Variants in SMIM14 observed in about 807,000 individuals in gnomAD.
The protein encoded by SMIM14 is chromosome 4 open reading frame 34.
In SMIM14, 5 loss-of-function variants were observed where a neutral mutation model predicts 12.6. The observed-to-expected ratio is 0.40, with a 90% confidence interval of 0.21 to 0.83. SMIM14 has a LOEUF of 0.83. Ranked by LOEUF, SMIM14 falls within the 40% of genes least tolerant of loss-of-function variation. SMIM14 has a pLI of 0.37. For synonymous variants in SMIM14, 30 were observed against 40.1 expected (o/e 0.75, Z 0.95); for missense variants, 86 against 119.1 (o/e 0.72, Z 1.29).
chr4:39,568,015 C>T (rs959689160), intron 3 of SMIM14, among the ~76,000 whole-genome samples: 3 of 152,246 alleles, frequency 2.0e-5, no homozygotes, highest in Middle Eastern at 3.4e-3. Context: ...CGGTAGCTCA[C>T]GCCTGTAATC....
chr4:39,578,243 G>A (rs1426778824), intron 2 of SMIM14, among the ~76,000 whole-genome samples: 2 of 152,232 alleles, frequency 1.3e-5, no homozygotes, highest in South Asian at 2.1e-4. Context: ...CACTTCCCAG[G>A]CTCAAGCAAT....
intron 1 of SMIM14, 33 bp from the exon 2 acceptor site, chr4:39,605,213 C>T (rs781199169): frequency 3.1e-5 from 38 of 1,240,514 alleles, no homozygotes; most frequent in Admixed American, 2.0e-4. Flanking sequence ...GTTAAGTCTA[C>T]AATTCAGAAT....
chr4:39,579,843 C>CAAAAAAAAAA (rs528601041), intron 2 of SMIM14, among the ~76,000 whole-genome samples: 1 of 123,930 alleles, frequency 8.1e-6, no homozygotes, highest in Non-Finnish European at 1.6e-5. Context: ...GACTCCGTCT[C>CAAAAAAAAAA]AAAAAAAAAA....
intron 3 of SMIM14, among the ~76,000 whole-genome samples, chr4:39,559,790 A>G (rs1712203453): frequency 6.6e-6 from 1 of 152,126 alleles, no homozygotes; most frequent in African/African-American, 2.4e-5. Flanking sequence ...ATAGGAATGT[A>G]GCCTCTGTTC....
intron 2 of SMIM14, among the ~76,000 whole-genome samples, chr4:39,596,660 T>G (rs2110047120): frequency 6.6e-6 from 1 of 152,328 alleles, no homozygotes; most frequent in Admixed American, 6.5e-5. Flanking sequence ...CCTTTGAACC[T>G]TTTTTACTAT....
intron 1 of SMIM14, among the ~76,000 whole-genome samples, chr4:39,631,578 G>C (rs1715900837): frequency 6.6e-6 from 1 of 151,668 alleles, no homozygotes; most frequent in Non-Finnish European, 1.5e-5. Flanking sequence ...AGAATGGCAT[G>C]AACCCGGGAA....
intron 1 of SMIM14, among the ~76,000 whole-genome samples, chr4:39,616,640 T>TA (rs1294298813): frequency 6.0e-4 from 59 of 98,010 alleles, no homozygotes; most frequent in African/African-American, 1.5e-3. Context: ...TTCCTTACAT[T>TA]TAAAAAAAAA....
intron 2 of SMIM14, among the ~76,000 whole-genome samples, chr4:39,581,829 C>T (rs532880961): frequency 6.6e-6 from 1 of 151,450 alleles, no homozygotes; most frequent in South Asian, 2.1e-4. Context: ...TTCCAAAGTG[C>T]TGGGATTACA....
intron 2 of SMIM14, among the ~76,000 whole-genome samples, chr4:39,591,884 A>C (rs1216171682): frequency 1.3e-5 from 2 of 152,152 alleles, no homozygotes; most frequent in East Asian, 3.9e-4. Flanking sequence ...TGTACTTTAA[A>C]ATAACCCTAT....
In SMIM14 at chr4:39,552,115, A is replaced by G; in HGVS notation, c.*11T>C. 6.3e-7 allele frequency: 1 copy of G among 1,592,448 alleles called. No homozygotes were observed. The highest frequency in any genetic ancestry group is 8.6e-7 in the Non-Finnish European group (1 of 1,169,142). ...AAGGTGTTAACTATTTTCACTTCCC[A>G]TATCACAAAGTTAGTCCACAGGAGG... is the stretch of plus-strand genomic sequence containing the variant. On this transcript the variant is annotated 3_prime_UTR_variant, in exon 5 of 5. Transcript: ENST00000295958.
chr4:39,559,978 C>T (rs1453990790), intron 3 of SMIM14, among the ~76,000 whole-genome samples: 1 of 151,232 alleles, frequency 6.6e-6, no homozygotes, highest in Non-Finnish European at 1.5e-5. Context: ...AAAAAATAGC[C>T]GGGTGTGGTG....
chr4:39,548,603 C>G lies in SMIM14; in HGVS notation c.*3523G>C, dbSNP rs991824676. On this transcript the variant is annotated 3_prime_UTR_variant, in exon 5 of 5. Transcript: ENST00000295958. Reference sequence around the variant, plus strand: ...CTAGATTATTTAAAGAGGATTGTAGCCACACTTCAGATGAATGTTTACAAG... The same window carrying G: ...CTAGATTATTTAAAGAGGATTGTAGGCACACTTCAGATGAATGTTTACAAG... The G allele has an allele frequency of 6.6e-6, 1 of 152,094 alleles. No individual in the cohort carries two copies. Among genetic ancestry groups the G allele is most frequent in the Admixed American group, 6.6e-5 (1 of 15,250 alleles). 9.4% of individuals were successfully genotyped at this position (152,094 alleles called of 1,614,324 possible). A position where few individuals can be genotyped will look rare whatever the true frequency, so the allele number is the denominator to read the frequency against.
intron 2 of SMIM14, among the ~76,000 whole-genome samples, chr4:39,576,674 ATATATATATATTTTTTTTTTTTTTT>A (rs1429692494): frequency 3.5e-5 from 1 of 28,216 alleles, no homozygotes; most frequent in Non-Finnish European, 7.2e-5. Flanking sequence ...ATATATATAT[ATATATATATATTTTTTTTTTTTTTT>A]TTTTTTTTTT....
chr4:39,614,187 A>C (rs1427594388), intron 1 of SMIM14, among the ~76,000 whole-genome samples: 1 of 19,228 alleles, frequency 5.2e-5, no homozygotes, highest in African/African-American at 3.1e-4. Flanking sequence ...CTCCATTACA[A>C]AAAAAAAAAA....
chr4:39,588,979 T>G (rs1212952843), intron 2 of SMIM14, among the ~76,000 whole-genome samples: 2 of 152,204 alleles, frequency 1.3e-5, no homozygotes, highest in Non-Finnish European at 2.9e-5. Context: ...AGTGATTTAT[T>G]TAAGTACAGT....
At chr4:39,564,069 T>C (rs1486190927) in intron 3 of SMIM14, among the ~76,000 whole-genome samples, 1 of 152,116 alleles carries the variant, frequency 6.6e-6, no homozygotes, top group Non-Finnish European at 1.5e-5. Flanking sequence ...AAATGGAATA[T>C]TCACAATGAA....
At chr4:39,582,539 C>A (rs1252658209) in intron 2 of SMIM14, among the ~76,000 whole-genome samples, 2 of 151,710 alleles carry the variant, frequency 1.3e-5, no homozygotes, top group African/African-American at 4.9e-5. Context: ...TGGTGCACGG[C>A]TGTAATCCCA....
At chr4:39,601,448 T>C (rs1035387627) in intron 2 of SMIM14, among the ~76,000 whole-genome samples, 3 of 152,236 alleles carry the variant, frequency 2.0e-5, no homozygotes, top group Admixed American at 6.5e-5. Flanking sequence ...AAATCTGTTC[T>C]GTCATTATAC....
intron 1 of SMIM14, among the ~76,000 whole-genome samples, chr4:39,635,934 C>T (rs752682783): frequency 2.0e-5 from 3 of 151,836 alleles, no homozygotes; most frequent in South Asian, 2.1e-4. Flanking sequence ...GCACCGTGGG[C>T]GGCCAAGGTG....
Sources: gnomAD v4.1 joint callset for allele counts (sites outside exome capture counted in the v4.1 genomes callset) on GRCh38, gnomAD v4.1.1 for gene constraint, MANE v1.5 for transcripts, NCBI Gene and HGNC (gene_info 2026-07-23, HGNC 2026-07-21) for gene names.